MCMDC2: variants seen among roughly 807,000 people sequenced by gnomAD.
The protein encoded by MCMDC2 is minichromosome maintenance domain-containing protein 2.
MCMDC2 carries 54 observed loss-of-function variants against 75.8 expected under a neutral mutation model. The observed-to-expected ratio is 0.71, with a 90% CI of 0.57 to 0.89. The LOEUF (loss-of-function observed/expected upper bound fraction) is 0.89. MCMDC2 is among the 40% of genes least tolerant of loss of function. MCMDC2 has a pLI of 0.00. For missense variants in MCMDC2, 656 were observed against 780.4 expected (o/e 0.84, Z 1.90); for synonymous variants, 249 against 274.6 (o/e 0.91, Z 0.92).
chr8:66,901,318 C>A lies in MCMDC2; in HGVS notation c.1739C>A (p.Ser580Ter), dbSNP rs758645967. Reference protein sequence around the residue: ...RRIRTGSVCGSKLSASALKYL... With the variant: ...RRIRTGSVCG ...ATCAGAACAGGCTCTGTATGTGGAT[C>A]AAAGCTGTCAGCATCTGCATTAAAA... The change falls in exon 13 of 15, where the codon TCA (serine) becomes TAA (stop). Residue 580 changes from serine (S) to a stop codon, truncating the protein, a stop_gained. Transcript: ENST00000422365. LOFTEE classifies it high-confidence loss of function. 1 of 1,612,242 alleles carries A rather than the reference C, an allele frequency of 6.2e-7. No homozygotes were observed. Among genetic ancestry groups the A allele is most frequent in the Non-Finnish European group, 8.5e-7 (1 of 1,179,262 alleles).
chr8:66,914,790 A>G (rs563528602), intron 14 of MCMDC2, among the ~76,000 whole-genome samples: 1 of 152,342 alleles, frequency 6.6e-6, no homozygotes, highest in East Asian at 1.9e-4. Flanking sequence ...TCAACTAGGT[A>G]GAGTCAGTAG....
intron 5 of MCMDC2, 82 bp downstream of exon 5, chr8:66,877,626 A>T: frequency 1.9e-6 from 2 of 1,036,176 alleles, no homozygotes; most frequent in Non-Finnish European, 2.7e-6. Context: ...GCACTTTGGG[A>T]AGCTGAGGAG....
intron 13 of MCMDC2, among the ~76,000 whole-genome samples, chr8:66,902,709 AAAATATAT>A (rs1392473855): frequency 2.6e-3 from 271 of 106,064 alleles, no homozygotes; most frequent in Non-Finnish European, 3.5e-3. Context: ...AAAAAAAAAA[AAAATATAT>A]ATATATATAT....
intron 14 of MCMDC2, among the ~76,000 whole-genome samples, chr8:66,909,613 G>A (rs553455496): frequency 5.3e-5 from 8 of 152,312 alleles, no homozygotes; most frequent in African/African-American, 1.2e-4. Context: ...AAAGACTGGC[G>A]CCGTTTTGCT....
downstream of MCMDC2, chr8:66,922,377 T>C (rs1218693390): frequency 1.0e-5 from 4 of 392,924 alleles, no homozygotes; most frequent in Admixed American, 2.9e-5. Context: ...AACATTCATC[T>C]ACAGCAACCT....
intron 7 of MCMDC2, among the ~76,000 whole-genome samples, chr8:66,879,216 A>C (rs1811442908): frequency 6.6e-6 from 1 of 152,178 alleles, no homozygotes; most frequent in Non-Finnish European, 1.5e-5. Context: ...GGCTGCAGTG[A>C]GCCATGATGG....
chr8:66,887,567 A>G (rs1296375035), intron 9 of MCMDC2, among the ~76,000 whole-genome samples: 2 of 152,014 alleles, frequency 1.3e-5, no homozygotes, highest in Non-Finnish European at 2.9e-5. Context: ...AAAAAAGAAG[A>G]AGAAATCTTT....
rs533278206 is a variant in MCMDC2, at chr8:66,877,247, CAT to C, written c.286-99_286-98del. The C allele has an allele frequency of 6.3e-4, 436 of 691,242 alleles. 2 individuals carry two copies. In the East Asian group the frequency reaches 0.014, roughly 23 times the overall value. 42.8% of individuals were successfully genotyped at this position (691,242 alleles called of 1,614,324 possible). On this transcript the variant is annotated intron_variant, in intron 4 of 14. Transcript: ENST00000422365. ...AAATTTTGGTTCCTAAGAACAATAA[CAT>C]ATCATTACTTGACTTTCTTTATAAT...
chr8:66,876,083 G>A (rs1811271042), intron 4 of MCMDC2, among the ~76,000 whole-genome samples: 1 of 152,306 alleles, frequency 6.6e-6, no homozygotes. Flanking sequence ...TTCCTGTGAT[G>A]TCATTCTCAT....
In MCMDC2 at chr8:66,902,723, T is replaced by A. The variant is rs867463265; in HGVS notation, c.1769+1375T>A. 2.6e-3 allele frequency among the ~76,000 whole-genome samples: 348 copies of A among 134,940 alleles called. 8 individuals are homozygous for A. Among genetic ancestry groups the A allele is most frequent in the African/African-American group, 8.9e-3 (306 of 34,468 alleles). The allele number at this position is 134,940 out of a possible 152,430, so 88.5% of individuals were successfully genotyped here. A position where few individuals can be genotyped will look rare whatever the true frequency, so the allele number is the denominator to read the frequency against. On this transcript the variant is annotated intron_variant, in intron 13 of 14. Transcript: ENST00000422365. The stretch of plus-strand genomic sequence containing the variant: ...AAAAAAAAAAAAAAATATATATATA[T>A]ATATATATATATATATATACATATA...
At chr8:66,901,564 A>G in intron 13 of MCMDC2, 1 of 1,234,242 alleles carries the variant, frequency 8.1e-7, no homozygotes, top group South Asian at 2.8e-5. Context: ...TACTAAACTG[A>G]TTTTTATTGG....
chr8:66,898,182 A>AT (rs980191435), intron 12 of MCMDC2, among the ~76,000 whole-genome samples: 12 of 152,216 alleles, frequency 7.9e-5, no homozygotes, highest in African/African-American at 2.4e-4. Context: ...AATGTTGCCC[A>AT]TTTTTTTACC....
chr8:66,881,396 G>A (rs1811551379), intron 8 of MCMDC2, among the ~76,000 whole-genome samples: 1 of 152,166 alleles, frequency 6.6e-6, no homozygotes, highest in Admixed American at 6.5e-5. Flanking sequence ...GCTCAATAAA[G>A]TAGCATCCTT....
intron 11 of MCMDC2, 135 bp from the exon 12 acceptor site, chr8:66,896,645 C>A: frequency 2.9e-6 from 2 of 679,096 alleles, no homozygotes; most frequent in South Asian, 6.9e-5. Flanking sequence ...AAAAAATTAC[C>A]TTAAATTATA....
chr8:66,896,126 C>G (rs573742214), intron 10 of MCMDC2, 44 bp from the exon 11 acceptor site: 3 of 1,565,080 alleles, frequency 1.9e-6, no homozygotes, highest in South Asian at 2.4e-5. Flanking sequence ...ACATTTAGAC[C>G]AAAATGAACT....
chr8:66,916,993 TAGA>T (rs1813347859), intron 14 of MCMDC2, among the ~76,000 whole-genome samples: 1 of 152,020 alleles, frequency 6.6e-6, no homozygotes, highest in East Asian at 1.9e-4. Context: ...TGGTTGACTA[TAGA>T]AGGAGAAGGA....
intron 10 of MCMDC2, among the ~76,000 whole-genome samples, chr8:66,895,086 C>G (rs1812284393): frequency 6.6e-6 from 1 of 152,308 alleles, no homozygotes; most frequent in South Asian, 2.1e-4. Flanking sequence ...TATAAAATGG[C>G]AGAGTATTTG....
At chr8:66,907,709 G>A (rs1291516678) in intron 14 of MCMDC2, among the ~76,000 whole-genome samples, 1 of 152,146 alleles carries the variant, frequency 6.6e-6, no homozygotes, top group Non-Finnish European at 1.5e-5. Context: ...AAGCGTTCCT[G>A]TTTCTCCACG....
At chr8:66,907,381 C>A (rs1812947010) in intron 14 of MCMDC2, among the ~76,000 whole-genome samples, 1 of 152,162 alleles carries the variant, frequency 6.6e-6, no homozygotes, top group Admixed American at 6.5e-5. Context: ...CCAGCTTCAT[C>A]CATGTCCCTG....
Sources: gnomAD v4.1 joint callset for allele counts (sites outside exome capture counted in the v4.1 genomes callset) on GRCh38, gnomAD v4.1.1 for gene constraint, MANE v1.5 for transcripts, NCBI Gene and HGNC (gene_info 2026-07-23, HGNC 2026-07-21) for gene names.